Variants in SLC35F2 observed in about 807,000 individuals in gnomAD.
SLC35F2 encodes the protein solute carrier family 35 member F2.
SLC35F2 carries 25 observed loss-of-function variants against 38.1 expected under a neutral mutation model. That is an observed-to-expected ratio of 0.66 (90% CI 0.48 to 0.92). SLC35F2 has a LOEUF of 0.92. Among genes scored for constraint, SLC35F2 ranks in the 40% least tolerant of loss-of-function variants. The probability of loss-of-function intolerance (pLI) is 0.00; values close to 1 mark genes in which losing one functional copy is unlikely to be tolerated. For missense variants in SLC35F2, 409 were observed against 452.9 expected (o/e 0.90, Z 0.88); for synonymous variants, 173 against 181.7 (o/e 0.95, Z 0.38).
chr11:107,798,333 G>A (rs897530696), intron 7 of SLC35F2, among the ~76,000 whole-genome samples: 3 of 152,082 alleles, frequency 2.0e-5, no homozygotes, highest in African/African-American at 7.2e-5. Context: ...AGGTAATCTT[G>A]CTGTCCCATA....
rs1859562157 is a variant in SLC35F2 at position 107,815,784 on chromosome 11, A to G, written c.286+6T>C. The G allele has an allele frequency of 1.9e-6, 3 of 1,602,964 alleles. No homozygotes were observed. Among genetic ancestry groups the G allele is most frequent in the African/African-American group, 2.7e-5 (2 of 74,512 alleles). ...GTTGAAAAGATAATTTCCACATTTG[A>G]CATACCTGATCGAAATGCCAGCATC... On this transcript the variant is annotated splice_donor_region_variant and intron_variant, in intron 2 of 7. Coordinates refer to ENST00000525815, the MANE Select transcript of SLC35F2 (RefSeq NM_017515.5).
At chr11:107,809,241 T>C (rs1029018822) in intron 3 of SLC35F2, among the ~76,000 whole-genome samples, 1 of 146,800 alleles carries the variant, frequency 6.8e-6, no homozygotes, top group Non-Finnish European at 1.5e-5. Flanking sequence ...CCCAGCACTA[T>C]GAGAGGCCAA....
chr11:107,853,939 C>G (rs1359392514), intron 1 of SLC35F2, among the ~76,000 whole-genome samples: 1 of 151,880 alleles, frequency 6.6e-6, no homozygotes, highest in Admixed American at 6.6e-5. Flanking sequence ...ATGAATAGGC[C>G]TGGTGCAGTG....
intron 1 of SLC35F2, among the ~76,000 whole-genome samples, chr11:107,837,236 A>T (rs1306790827): frequency 6.6e-6 from 1 of 152,226 alleles, no homozygotes; most frequent in Non-Finnish European, 1.5e-5. Context: ...GCTCTTACGT[A>T]TATTAACATA....
intron 7 of SLC35F2, among the ~76,000 whole-genome samples, chr11:107,797,468 A>G (rs548817508): frequency 6.6e-6 from 1 of 152,212 alleles, no homozygotes; most frequent in Admixed American, 6.5e-5. Flanking sequence ...TGGGAGGATC[A>G]CTTGAGCCCA....
intron 5 of SLC35F2, 92 bp from the exon 6 acceptor site, chr11:107,804,862 G>C: frequency 8.5e-7 from 1 of 1,172,904 alleles, no homozygotes; most frequent in Non-Finnish European, 1.2e-6. Flanking sequence ...GCTAAAGTGA[G>C]GAATTACATG....
At chr11:107,846,708 G>A (rs1860108898) in intron 1 of SLC35F2, among the ~76,000 whole-genome samples, 1 of 152,112 alleles carries the variant, frequency 6.6e-6, no homozygotes, top group South Asian at 2.1e-4. Context: ...AAGGTGGGTG[G>A]ATCACTTGAG....
intron 1 of SLC35F2, chr11:107,821,731 TC>T: frequency 1.6e-6 from 1 of 611,750 alleles, no homozygotes; most frequent in African/African-American, 2.0e-5. Flanking sequence ...TAACGGAACC[TC>T]CACTAAAATG....
At chr11:107,856,901 AAGGAAGGG>A (rs1308147087) in intron 1 of SLC35F2, among the ~76,000 whole-genome samples, 3 of 59,736 alleles carry the variant, frequency 5.0e-5, no homozygotes, top group Non-Finnish European at 9.4e-5. Flanking sequence ...GGAGGGAAGG[AAGGAAGGG>A]AGGGAGGGAG....
chr11:107,854,519 T>C (rs71488285), intron 1 of SLC35F2, among the ~76,000 whole-genome samples: 8,971 of 152,230 alleles, frequency 0.059, 311 homozygotes, highest in East Asian at 0.13. Flanking sequence ...TATCACAATA[T>C]TTTTCACTTG....
intron 4 of SLC35F2, 180 bp downstream of exon 4, chr11:107,806,537 T>G: frequency 1.7e-6 from 1 of 604,602 alleles, no homozygotes; most frequent in African/African-American, 1.8e-5. Flanking sequence ...GATGAATTCA[T>G]AGACCTCAAT....
chr11:107,818,142 C>CAATTGTCA (rs1859614908), intron 1 of SLC35F2, among the ~76,000 whole-genome samples: 2 of 135,384 alleles, frequency 1.5e-5, no homozygotes. Context: ...GAAAAAGAAA[C>CAATTGTCA]AATTGTCAGC....
At chr11:107,851,125 T>C (rs1236196793) in intron 1 of SLC35F2, among the ~76,000 whole-genome samples, 2 of 150,426 alleles carry the variant, frequency 1.3e-5, no homozygotes, top group Non-Finnish European at 3.0e-5. Context: ...TAGCCGGGAG[T>C]GGTGGCACGT....
chr11:107,812,207 T>G (rs1269707349), intron 2 of SLC35F2, among the ~76,000 whole-genome samples: 1 of 152,186 alleles, frequency 6.6e-6, no homozygotes, highest in East Asian at 1.9e-4. Context: ...CGCCTGGCTA[T>G]TGTGTATTTC....
At chr11:107,814,350 G>A (rs1193555058) in intron 2 of SLC35F2, among the ~76,000 whole-genome samples, 1 of 151,904 alleles carries the variant, frequency 6.6e-6, no homozygotes, top group Non-Finnish European at 1.5e-5. Context: ...AGCTACTAGG[G>A]AGGCTGAGGC....
rs774290462 is a variant in SLC35F2, at chr11:107,792,599, G to A, written c.*16C>T. 5 of 1,592,152 alleles carry A rather than the reference G, an allele frequency of 3.1e-6. No individual in the cohort carries two copies. Among genetic ancestry groups the A allele is most frequent in the African/African-American group, 2.7e-5 (2 of 74,520 alleles). ...TGCTTTATCCTGGTGGGGGATGGGT[G>A]CGCCATCTTCTCCAGCTACAAGACA... On this transcript the variant is annotated 3_prime_UTR_variant, in exon 8 of 8. Transcript: ENST00000525815.
chr11:107,809,647 A>T (rs974648246), intron 3 of SLC35F2: 15 of 975,116 alleles, frequency 1.5e-5, no homozygotes, highest in Middle Eastern at 1.1e-3. Flanking sequence ...AAAAAAAAGT[A>T]TTCTTGGTGA....
At chr11:107,805,686 ATGTG>A in intron 4 of SLC35F2, 171 bp from the exon 5 acceptor site, 1 of 978,024 alleles carries the variant, frequency 1.0e-6, no homozygotes, top group Non-Finnish European at 1.2e-6. Context: ...GTGTGTGTGT[ATGTG>A]TGTGTTTGAG....
intron 1 of SLC35F2, among the ~76,000 whole-genome samples, chr11:107,843,238 G>A (rs996159239): frequency 6.6e-6 from 1 of 152,136 alleles, no homozygotes; most frequent in Non-Finnish European, 1.5e-5. Flanking sequence ...CTTTAGGACT[G>A]GTGATGCGTT....
Sources: gnomAD v4.1 joint callset for allele counts (sites outside exome capture counted in the v4.1 genomes callset) on GRCh38, gnomAD v4.1.1 for gene constraint, MANE v1.5 for transcripts, NCBI Gene and HGNC (gene_info 2026-07-23, HGNC 2026-07-21) for gene names.